ANKRD36C: variants seen among roughly 807,000 people sequenced by gnomAD.
ANKRD36C encodes the protein ankyrin repeat domain-containing protein 36C.
In ANKRD36C, 61 loss-of-function variants were observed where a neutral mutation model predicts 276.4. The observed-to-expected ratio is 0.22, with a 90% CI of 0.18 to 0.27. The LOEUF (loss-of-function observed/expected upper bound fraction) is 0.27, where lower values mean the gene tolerates loss of function less well. ANKRD36C is among the 10% of genes least tolerant of loss of function. The pLI, the probability that ANKRD36C is intolerant of heterozygous loss-of-function variation, is 1.00. For synonymous variants in ANKRD36C, 483 were observed against 680.1 expected (o/e 0.71, Z 4.51); for missense variants, 1,447 against 2,032.3 (o/e 0.71, Z 5.54).
chr2:95,968,178 C>T lies in ANKRD36C; in HGVS notation c.800-5631G>A, dbSNP rs187397968. 1.6e-3 allele frequency among the ~76,000 whole-genome samples: 238 copies of T among 152,222 alleles called. 1 individual carries two copies. The highest frequency in any genetic ancestry group is 5.6e-3 in the African/African-American group (231 of 41,536). On this transcript the variant is annotated intron_variant, in intron 6 of 66. Transcript: ENST00000456556. ...AGACTTTGATGCTTTATTACAGAGA[C>T]TCTCATGATTTGTTACAAAGCAGTT...
At chr2:95,981,530 A>C (rs1460728817) in intron 4 of ANKRD36C, among the ~76,000 whole-genome samples, 1 of 149,086 alleles carries the variant, frequency 6.7e-6, no homozygotes, top group East Asian at 1.9e-4. Context: ...GTGTATATGT[A>C]ATATATGCAC....
intron 5 of ANKRD36C, among the ~76,000 whole-genome samples, chr2:95,979,436 C>G (rs1406865106): frequency 1.3e-5 from 2 of 152,022 alleles, no homozygotes; most frequent in East Asian, 3.8e-4. Context: ...AACTAACCAA[C>G]TTGAGACTCA....
At chr2:95,980,913 A>G in intron 4 of ANKRD36C, 128 bp from the exon 5 acceptor site, 4 of 1,343,916 alleles carry the variant, frequency 3.0e-6, no homozygotes, top group Non-Finnish European at 3.0e-6. Flanking sequence ...AGAAACAAGC[A>G]TCTTAGGTGC....
intron 4 of ANKRD36C, among the ~76,000 whole-genome samples, chr2:95,981,434 TA>T (rs559808673): frequency 1.4e-3 from 209 of 147,796 alleles, no homozygotes; most frequent in African/African-American, 4.6e-3. Context: ...TAATATATAG[TA>T]TATTATATAT....
At chr2:95,990,026 C>G (rs1679105874) in intron 1 of ANKRD36C, among the ~76,000 whole-genome samples, 1 of 151,882 alleles carries the variant, frequency 6.6e-6, no homozygotes, top group African/African-American at 2.4e-5. Context: ...TTAATTTTTT[C>G]TTATAAACTG....
chr2:95,851,766 C>T (rs1573714367), exon 66 of ANKRD36C: 3 of 1,533,350 alleles, frequency 2.0e-6, no homozygotes, highest in Non-Finnish European at 2.6e-6. Flanking sequence ...TTTTTCTCAT[C>T]ATGACATTTT....
rs528458374 is a variant in ANKRD36C, at chr2:95,961,664, CAT to C, written c.901+686_901+687del. On this transcript the variant is annotated intron_variant, in intron 8 of 66. Transcript: ENST00000456556. ...ATTTGAATAGCTAATACCAACAAAACATATATCTCTGATGCCCAATAGTTACA... is the reference window on the plus strand; with the variant it reads ...ATTTGAATAGCTAATACCAACAAAACATATCTCTGATGCCCAATAGTTACA... 9.2e-5 allele frequency among the ~76,000 whole-genome samples: 14 copies of C among 152,124 alleles called. No individual in the cohort carries two copies. The East Asian group carries it at 2.3e-3, about 25-fold the overall frequency.
intron 14 of ANKRD36C, 56 bp from the exon 15 acceptor site, chr2:95,951,464 T>A: frequency 7.7e-7 from 1 of 1,304,316 alleles, no homozygotes; most frequent in Non-Finnish European, 1.1e-6. Context: ...AAAATAAGGA[T>A]AATACCCACC....
At chr2:95,925,647 C>T (rs1677384896) in intron 28 of ANKRD36C, 100 bp from the exon 29 acceptor site, 11 of 1,253,896 alleles carry the variant, frequency 8.8e-6, no homozygotes, top group Middle Eastern at 2.8e-4. Context: ...CTCCCACCTG[C>T]ACTAGTGTAG....
intron 46 of ANKRD36C, 33 bp downstream of exon 66, chr2:95,891,632 T>C (rs759694026): frequency 1.8e-5 from 27 of 1,540,874 alleles, no homozygotes; most frequent in Non-Finnish European, 2.2e-5. Flanking sequence ...CTATCTGCAC[T>C]GAACATGACA....
intron 1 of ANKRD36C, among the ~76,000 whole-genome samples, chr2:95,987,546 G>T (rs1010572346): frequency 5.6e-5 from 8 of 142,550 alleles, no homozygotes; most frequent in South Asian, 4.5e-4. Context: ...ACAGCATTTA[G>T]AACACTTTCT....
At position 95,902,636 on chromosome 2, in the gene ANKRD36C, T is replaced by C. The variant is rs536947839; in HGVS notation, c.2654-3300A>G. Among the ~76,000 whole-genome samples the C allele has an allele frequency of 2.3e-3, 341 of 150,248 alleles. 15 individuals are homozygous for C. Among genetic ancestry groups the C allele is most frequent in the African/African-American group, 7.9e-3 (325 of 41,034 alleles). On this transcript the variant is annotated intron_variant, in intron 42 of 66. Coordinates refer to ENST00000456556, the Ensembl canonical transcript of ANKRD36C. Reference sequence around the variant, plus strand: ...AAATTATGTTGTTCCCCAGAGCCCCTTATGCCTTGAACTGCTCTCCATATT... The same window carrying C: ...AAATTATGTTGTTCCCCAGAGCCCCCTATGCCTTGAACTGCTCTCCATATT...
chr2:95,941,885 T>C (rs1444191526), intron 19 of ANKRD36C, among the ~76,000 whole-genome samples: 1 of 151,994 alleles, frequency 6.6e-6, no homozygotes, highest in Non-Finnish European at 1.5e-5. Context: ...AGTAATAAGA[T>C]ACGAGAAATG....
intron 52 of ANKRD36C, among the ~76,000 whole-genome samples, chr2:95,885,382 A>G (rs1676176053): frequency 1.3e-5 from 2 of 151,898 alleles, no homozygotes; most frequent in African/African-American, 2.4e-5. Context: ...CCTAACAGTA[A>G]CAAAGAGGAG....
intron 42 of ANKRD36C, 33 bp from the exon 45 acceptor site, chr2:95,910,601 A>T (rs1676886526): frequency 1.2e-6 from 2 of 1,603,696 alleles, no homozygotes; most frequent in Non-Finnish European, 1.7e-6. Context: ...AATCACTCAT[A>T]TGTAAATATG....
At chr2:95,889,774 C>A (rs12471925) in intron 48 of ANKRD36C, 25 bp downstream of exon 68, 480,144 of 1,551,126 alleles carry the variant, frequency 0.31, 78,333 homozygotes, top group East Asian at 0.45. Flanking sequence ...AACGAACATC[C>A]TATTAAATGT....
intron 59 of ANKRD36C, among the ~76,000 whole-genome samples, chr2:95,870,851 G>A (rs981965312): frequency 3.3e-5 from 5 of 152,184 alleles, no homozygotes; most frequent in East Asian, 1.9e-4. Flanking sequence ...GCCGAGGCTC[G>A]AGAACTATGT....
At chr2:95,893,219 C>G (rs1676428117) in intron 44 of ANKRD36C, among the ~76,000 whole-genome samples, 5 of 151,296 alleles carry the variant, frequency 3.3e-5, no homozygotes, top group Admixed American at 3.3e-4. Context: ...TCTCTTTCTC[C>G]TTCCACCCTT....
intron 59 of ANKRD36C, among the ~76,000 whole-genome samples, chr2:95,871,689 A>G (rs920094072): frequency 3.3e-5 from 5 of 152,176 alleles, no homozygotes; most frequent in African/African-American, 9.7e-5. Context: ...ATGTAAATGG[A>G]CTAAATGCTC....
Sources: gnomAD v4.1 joint callset for allele counts (sites outside exome capture counted in the v4.1 genomes callset) on GRCh38, gnomAD v4.1.1 for gene constraint, MANE v1.5 for transcripts, NCBI Gene and HGNC (gene_info 2026-07-23, HGNC 2026-07-21) for gene names.